Variants in ZBTB20 observed in about 807,000 individuals in gnomAD.
ZBTB20 encodes the protein zinc finger and BTB domain containing 20.
A neutral mutation model predicts 56.9 loss-of-function variants in ZBTB20; 9 were observed. The ratio of observed to expected loss-of-function variants is 0.16; its 90% CI spans 0.10 to 0.28. The LOEUF (loss-of-function observed/expected upper bound fraction) is 0.28. Ranked by LOEUF, ZBTB20 falls within the 10% of genes least tolerant of loss-of-function variation. The pLI is 1.00. For missense variants in ZBTB20, 655 were observed against 1,003.0 expected (o/e 0.65, Z 4.69); for synonymous variants, 417 against 420.7 (o/e 0.99, Z 0.11).
At chr3:114,391,968 T>C (rs1007425187) in intron 7 of ZBTB20, among the ~76,000 whole-genome samples, 1 of 152,222 alleles carries the variant, frequency 6.6e-6, no homozygotes, top group Non-Finnish European at 1.5e-5. Context: ...TGCAAAAATA[T>C]ATTGTGTTCC....
intron 4 of ZBTB20, among the ~76,000 whole-genome samples, chr3:114,828,587 T>A (rs1395998796): frequency 1.3e-5 from 2 of 151,876 alleles, no homozygotes; most frequent in African/African-American, 2.4e-5. Flanking sequence ...ATGGCATATA[T>A]CAATGCATAG....
chr3:115,017,122 T>A (rs1418340251), intron 2 of ZBTB20, among the ~76,000 whole-genome samples: 1 of 151,658 alleles, frequency 6.6e-6, no homozygotes, highest in Non-Finnish European at 1.5e-5. Flanking sequence ...GGATCCTATG[T>A]CTAGAAAAGC....
In ZBTB20 at chr3:115,124,244, T is replaced by TA. The variant is rs1460473825; in HGVS notation, c.-703+22974dup. Among the ~76,000 whole-genome samples, 4 of 152,310 alleles carry TA rather than the reference T, an allele frequency of 2.6e-5. No homozygotes were observed. In the East Asian group the frequency reaches 5.8e-4, roughly 22 times the overall value. The stretch of plus-strand genomic sequence containing the variant: ...AAATTAAGAAATTATGATATCAACT[T>TA]AGAGTCTTAAATATACTGAACTTGT... On this transcript the variant is annotated intron_variant, in intron 1 of 11. Coordinates refer to ENST00000675478, the MANE Select transcript of ZBTB20 (RefSeq NM_001348800.3).
intron 7 of ZBTB20, among the ~76,000 whole-genome samples, chr3:114,469,010 CAAAAAAAAAA>C (rs1164804884): frequency 1.5e-5 from 1 of 67,064 alleles, no homozygotes; most frequent in Non-Finnish European, 3.1e-5. Context: ...TCAAGAGAAG[CAAAAAAAAAA>C]AAAAAAAAAA....
intron 4 of ZBTB20, among the ~76,000 whole-genome samples, chr3:114,869,896 A>G (rs2075919733): frequency 6.6e-6 from 1 of 152,232 alleles, no homozygotes. Flanking sequence ...AAAACAAAGG[A>G]AAATTTCTAA....
At chr3:114,524,056 A>G (rs1020349485) in intron 6 of ZBTB20, among the ~76,000 whole-genome samples, 3 of 152,198 alleles carry the variant, frequency 2.0e-5, no homozygotes, top group African/African-American at 7.2e-5. Context: ...GAGCACAGTT[A>G]AGTCAGAGAA....
Position 114,326,575 on chromosome 3 carries a change from A to G in ZBTB20, c.*12430T>C, listed in dbSNP as rs1038417094. On this transcript the variant is annotated 3_prime_UTR_variant, in exon 12 of 12. Coordinates refer to ENST00000675478, the MANE Select transcript of ZBTB20 (RefSeq NM_001348800.3). Reference sequence around the variant, plus strand: ...AGCAGTTATTTGACTGTCCATGGACAGTAACAAATTAAGAAATAAAAATCC... The same window carrying G: ...AGCAGTTATTTGACTGTCCATGGACGGTAACAAATTAAGAAATAAAAATCC... 2.0e-5 allele frequency: 3 copies of G among 152,200 alleles called. No homozygotes were observed. The highest frequency in any genetic ancestry group is 6.5e-5 in the Admixed American group (1 of 15,270). 9.4% of individuals were successfully genotyped at this position (152,200 alleles called of 1,614,324 possible).
intron 4 of ZBTB20, among the ~76,000 whole-genome samples, chr3:114,851,068 A>T (rs185377960): frequency 1.3e-5 from 2 of 152,336 alleles, no homozygotes; most frequent in Non-Finnish European, 2.9e-5. Flanking sequence ...GCTCCCTTAA[A>T]GCCAGAAGAA....
intron 6 of ZBTB20, among the ~76,000 whole-genome samples, chr3:114,648,090 G>A (rs2059942272): frequency 6.6e-6 from 1 of 151,832 alleles, no homozygotes; most frequent in Non-Finnish European, 1.5e-5. Context: ...TTGACTAGTT[G>A]ATTTTACTGT....
chr3:114,610,632 C>T, intron 6 of ZBTB20, among the ~76,000 whole-genome samples: 1 of 152,174 alleles, frequency 6.6e-6, no homozygotes, highest in Middle Eastern at 3.2e-3. Flanking sequence ...ACATTAGAAA[C>T]TCAGAACTCA....
At chr3:114,367,384 A>G (rs2082525254) in intron 10 of ZBTB20, among the ~76,000 whole-genome samples, 1 of 152,156 alleles carries the variant, frequency 6.6e-6, no homozygotes. Flanking sequence ...CTCCCACCTC[A>G]AATTCCCAAG....
chr3:114,719,670 G>A (rs1488977403), intron 5 of ZBTB20, among the ~76,000 whole-genome samples: 1 of 152,136 alleles, frequency 6.6e-6, no homozygotes, highest in African/African-American at 2.4e-5. Flanking sequence ...GACTAAGTCA[G>A]AAGGCTTTTC....
chr3:114,728,862 T>G (rs750048799), intron 5 of ZBTB20, among the ~76,000 whole-genome samples: 9 of 152,186 alleles, frequency 5.9e-5, no homozygotes, highest in Non-Finnish European at 1.2e-4. Flanking sequence ...TCTCTTAGGT[T>G]TGTTGGCTGC....
chr3:115,038,328 T>C (rs1410522997), intron 2 of ZBTB20, among the ~76,000 whole-genome samples: 1 of 152,156 alleles, frequency 6.6e-6, no homozygotes, highest in African/African-American at 2.4e-5. Context: ...ACAAAGCTTG[T>C]CCCTTTGTAT....
chr3:114,981,059 C>A (rs1424441912), intron 2 of ZBTB20, among the ~76,000 whole-genome samples: 1 of 151,818 alleles, frequency 6.6e-6, no homozygotes, highest in Admixed American at 6.6e-5. Context: ...TTTGGGAAGT[C>A]AGAAGGGCCT....
At chr3:114,646,029 A>T (rs958403386) in intron 6 of ZBTB20, among the ~76,000 whole-genome samples, 3 of 148,690 alleles carry the variant, frequency 2.0e-5, no homozygotes, top group African/African-American at 7.7e-5. Context: ...GAGTACTGAT[A>T]AAGAAGAGTC....
rs576102773 is a variant in ZBTB20 at position 114,594,071 on chromosome 3, G to A, written c.-294-93680C>T. On this transcript the variant is annotated intron_variant, in intron 6 of 11. Transcript: ENST00000675478. The stretch of plus-strand genomic sequence containing the variant: ...CTCTCACTTTACTATGTGATTAGTA[G>A]ACAAAGTATATACTAAAGAAAGCTG... Among the ~76,000 whole-genome samples the A allele has an allele frequency of 3.8e-4, 58 of 152,232 alleles. 1 individual carries two copies. Among genetic ancestry groups the A allele is most frequent in the African/African-American group, 1.1e-3 (45 of 41,526 alleles).
chr3:114,695,332 C>A (rs1314367367), intron 5 of ZBTB20, among the ~76,000 whole-genome samples: 1 of 150,988 alleles, frequency 6.6e-6, no homozygotes, highest in African/African-American at 2.5e-5. Flanking sequence ...TAAAAAAAAA[C>A]AGAAAAATGA....
At chr3:114,834,239 A>C (rs1333132630) in intron 4 of ZBTB20, among the ~76,000 whole-genome samples, 6 of 152,158 alleles carry the variant, frequency 3.9e-5, no homozygotes, top group Non-Finnish European at 8.8e-5. Context: ...GATCCTTCCA[A>C]ATTTGTAACT....
Sources: allele counts gnomAD v4.1 joint callset (sites outside exome capture counted in the v4.1 genomes callset), GRCh38; gene constraint gnomAD v4.1.1; transcripts MANE v1.5; gene names NCBI Gene and HGNC (gene_info 2026-07-23, HGNC 2026-07-21).